The following NEXMIF variants were observed in gnomAD, a reference collection of about 807,000 sequenced individuals.
NEXMIF encodes XLMR protein related to neurite extension.
In NEXMIF, 8 loss-of-function variants were observed where a neutral mutation model predicts 62.1. That is an observed-to-expected ratio of 0.13 (90% CI 0.08 to 0.23). NEXMIF has a LOEUF of 0.23. NEXMIF is among the 10% of genes least tolerant of loss of function. NEXMIF has a pLI of 1.00. For missense variants in NEXMIF, 976 were observed against 1,113.3 expected, an observed-to-expected ratio of 0.88 and a Z score of 1.75; for synonymous variants, 404 against 416.6, an observed-to-expected ratio of 0.97 and a Z score of 0.37.
chrX:74,837,026 T>C (rs2080459296), intron 1 of NEXMIF, among the ~76,000 whole-genome samples: 1 of 111,636 alleles, frequency 9.0e-6, no homozygotes, highest in South Asian at 3.8e-4. Context: ...ATGCCCCCTC[T>C]GTGCACAGGT....
At chrX:74,820,787 C>A (rs1168852048) in intron 1 of NEXMIF, among the ~76,000 whole-genome samples, 1 of 111,685 alleles carries the variant, frequency 9.0e-6, no homozygotes, top group Non-Finnish European at 1.9e-5. Context: ...AAACCAAATA[C>A]CACATATTCT....
At chrX:74,811,877 T>C (rs2080361618) in intron 1 of NEXMIF, among the ~76,000 whole-genome samples, 1 of 113,237 alleles carries the variant, frequency 8.8e-6, no homozygotes, top group Non-Finnish European at 1.9e-5. Context: ...AGGAAATCTC[T>C]GTGTTCTTTG....
In NEXMIF at chrX:74,787,122, A is replaced by G. The variant is rs1382466982; in HGVS notation, c.-47-41425T>C. Reference sequence around the variant, plus strand: ...AAAAATACAAAAAAAAAAAAAAAAAAAAGAAAAAAAATTAGCCAGGCGTGG... The same window carrying G: ...AAAAATACAAAAAAAAAAAAAAAAAGAAGAAAAAAAATTAGCCAGGCGTGG... On this transcript the variant is annotated intron_variant, in intron 1 of 3. Transcript: ENST00000055682. Among the ~76,000 whole-genome samples the G allele has an allele frequency of 3.8e-5, 4 of 105,965 alleles. No individual in the cohort carries two copies. In the Admixed American group the frequency reaches 4.1e-4, roughly 11 times the overall value. The allele number at this position is 105,965 out of a possible 115,157, so 92.0% of individuals were successfully genotyped here. A position where few individuals can be genotyped will look rare whatever the true frequency, so the allele number is the denominator to read the frequency against.
At chrX:74,836,303 C>A (rs1042713824) in intron 1 of NEXMIF, among the ~76,000 whole-genome samples, 1 of 112,765 alleles carries the variant, frequency 8.9e-6, no homozygotes, top group Non-Finnish European at 1.9e-5. Flanking sequence ...AAGTTGGTAC[C>A]TAAGGTGCAA....
chrX:74,818,828 T>A (rs767599076), intron 1 of NEXMIF, among the ~76,000 whole-genome samples: 1 of 112,075 alleles, frequency 8.9e-6, no homozygotes, highest in Non-Finnish European at 1.9e-5. Flanking sequence ...AAGACATGCA[T>A]GTGGCCAACA....
In NEXMIF at chrX:74,735,068, T is replaced by G. The variant is rs2080081613; in HGVS notation, c.*4337A>C. The stretch of plus-strand genomic sequence containing the variant: ...AAATCTTCTAAATGTAACTATAGGC[T>G]TAGTGAATTTTATGATTAGAAAACA... On this transcript the variant is annotated 3_prime_UTR_variant, in exon 4 of 4. Coordinates refer to ENST00000055682, the MANE Select transcript of NEXMIF (RefSeq NM_001008537.3). 1 of 112,133 alleles carries G rather than the reference T, an allele frequency of 8.9e-6. No individual in the cohort carries two copies. The highest frequency in any genetic ancestry group is 3.7e-4 in the South Asian group (1 of 2,687). The allele number at this position is 112,133 out of a possible 1,213,427, so 9.2% of individuals were successfully genotyped here.
chrX:74,910,816 G>A (rs187233209), intron 1 of NEXMIF, among the ~76,000 whole-genome samples: 231 of 111,313 alleles, frequency 2.1e-3, no homozygotes, highest in East Asian at 6.0e-3. Flanking sequence ...AAGATCTGAC[G>A]GTTTTATCAA....
At chrX:74,851,392 A>G (rs957822605) in intron 1 of NEXMIF, among the ~76,000 whole-genome samples, 3 of 111,309 alleles carry the variant, frequency 2.7e-5, no homozygotes, top group Middle Eastern at 4.3e-3. Context: ...CCAAATACAT[A>G]TCGTCTAAAA....
At chrX:74,922,370 GA>G (rs2080830112) in intron 1 of NEXMIF, among the ~76,000 whole-genome samples, 2 of 105,008 alleles carry the variant, frequency 1.9e-5, no homozygotes. Context: ...GTGTGTGTGT[GA>G]AAAAGCACTG....
intron 1 of NEXMIF, among the ~76,000 whole-genome samples, chrX:74,904,227 A>G (rs2080759019): frequency 1.8e-5 from 2 of 111,187 alleles, no homozygotes; most frequent in African/African-American, 6.5e-5. Context: ...GAGAGTAATG[A>G]AACTTCTCTG....
chrX:74,881,275 G>T (rs2147358320), intron 1 of NEXMIF, among the ~76,000 whole-genome samples: 1 of 110,614 alleles, frequency 9.0e-6, no homozygotes, highest in East Asian at 2.8e-4. Flanking sequence ...CTCCCCTCAA[G>T]TTCACTGTAA....
chrX:74,876,824 T>G (rs1217207366), intron 1 of NEXMIF, among the ~76,000 whole-genome samples: 5 of 106,167 alleles, frequency 4.7e-5, no homozygotes, highest in South Asian at 4.5e-4. Flanking sequence ...CCCTGCCTTT[T>G]TTTGTTTTCC....
At chrX:74,761,539 T>G (rs2080175960) in intron 1 of NEXMIF, among the ~76,000 whole-genome samples, 1 of 111,760 alleles carries the variant, frequency 8.9e-6, no homozygotes, top group African/African-American at 3.3e-5. Context: ...CTGGTGGTTG[T>G]TTGTATTTCT....
At chrX:74,790,297 G>A (rs1359966573) in intron 1 of NEXMIF, among the ~76,000 whole-genome samples, 9 of 111,101 alleles carry the variant, frequency 8.1e-5, no homozygotes, top group South Asian at 7.6e-4. Context: ...GATATGCGGC[G>A]TTATTTCTGA....
intron 1 of NEXMIF, among the ~76,000 whole-genome samples, chrX:74,865,706 ACTTGGAGAC>A (rs2147501734): frequency 8.9e-6 from 1 of 111,981 alleles, no homozygotes; most frequent in African/African-American, 3.2e-5. Context: ...CAGCCTAGGG[ACTTGGAGAC>A]CTGCATCCCA....
At chrX:74,812,070 T>C (rs1357558989) in intron 1 of NEXMIF, among the ~76,000 whole-genome samples, 1 of 113,122 alleles carries the variant, frequency 8.8e-6, no homozygotes, top group African/African-American at 3.2e-5. Context: ...AAAAATATGC[T>C]GCTGTGATTT....
intron 1 of NEXMIF, among the ~76,000 whole-genome samples, chrX:74,796,928 C>G (rs778307704): frequency 8.9e-6 from 1 of 111,873 alleles, no homozygotes; most frequent in Non-Finnish European, 1.9e-5. Context: ...TTGCTTTACA[C>G]TGCAAAAACA....
At chrX:74,807,485 T>G (rs1301865614) in intron 1 of NEXMIF, among the ~76,000 whole-genome samples, 2 of 109,822 alleles carry the variant, frequency 1.8e-5, no homozygotes, top group Non-Finnish European at 3.8e-5. Flanking sequence ...TTTTTTGACA[T>G]GGAGTCTTGC....
chrX:74,793,684 C>CT (rs1288798137), intron 1 of NEXMIF, among the ~76,000 whole-genome samples: 1 of 104,146 alleles, frequency 9.6e-6, no homozygotes, highest in Non-Finnish European at 2.0e-5. Context: ...TCTTTTTATT[C>CT]TTTTTTCTCT....
Sources: allele counts gnomAD v4.1 joint callset (sites outside exome capture counted in the v4.1 genomes callset), GRCh38; gene constraint gnomAD v4.1.1; transcripts MANE v1.5; gene names NCBI Gene and HGNC (gene_info 2026-07-23, HGNC 2026-07-21).